ZFP82: variants seen among roughly 807,000 people sequenced by gnomAD.
ZFP82 encodes ZFP82 zinc finger protein.
ZFP82 carries 30 observed loss-of-function variants against 54.0 expected under a neutral mutation model. That is an observed-to-expected ratio of 0.56 (90% CI 0.42 to 0.75). ZFP82 has a LOEUF of 0.75. ZFP82 is among the 30% of genes least tolerant of loss of function. ZFP82 has a pLI of 0.00. For synonymous variants in ZFP82, 194 were observed against 209.5 expected, an observed-to-expected ratio of 0.93 and a Z score of 0.64; for missense variants, 500 against 636.8, an observed-to-expected ratio of 0.79 and a Z score of 2.31.
intron 1 of ZFP82, among the ~76,000 whole-genome samples, chr19:36,417,888 G>C (rs1330276880): frequency 6.6e-6 from 1 of 152,176 alleles, no homozygotes; most frequent in East Asian, 1.9e-4. Flanking sequence ...CTGGGCGGGA[G>C]CGGGGGCTCG....
chr19:36,408,704 G>A (rs911710029), intron 2 of ZFP82, among the ~76,000 whole-genome samples: 1 of 151,992 alleles, frequency 6.6e-6, no homozygotes, highest in African/African-American at 2.4e-5. Flanking sequence ...TGTAATCCTA[G>A]CTACTCAGGA....
Position 36,393,147 on chromosome 19 carries a change from T to C in ZFP82, c.1193A>G (p.Glu398Gly). The change falls in exon 5 of 5, where the codon GAA (glutamate) becomes GGA (glycine). Residue 398 changes from glutamate to glycine, a missense_variant. Physicochemically the swap from Glu to Gly is moderately conservative, Grantham distance 98. Coordinates refer to ENST00000392161, the MANE Select transcript of ZFP82 (RefSeq NM_133466.4). ...HTGEKPYECKECWKAFSRYSQ... is the reference protein window; with the variant it reads ...HTGEKPYECKGCWKAFSRYSQ... ...GTAGCGACTAAAGGCTTTCCAGCATTCCTTACATTCGTAAGGTTTTTCACC... is the reference window on the plus strand; with the variant it reads ...GTAGCGACTAAAGGCTTTCCAGCATCCCTTACATTCGTAAGGTTTTTCACC... 1 of 1,614,024 alleles carries C rather than the reference T, an allele frequency of 6.2e-7. No individual in the cohort carries two copies. Among genetic ancestry groups the C allele is most frequent in the Non-Finnish European group, 8.5e-7 (1 of 1,179,954 alleles).
At chr19:36,396,263 T>C (rs1250474717) in intron 4 of ZFP82, among the ~76,000 whole-genome samples, 1 of 152,060 alleles carries the variant, frequency 6.6e-6, no homozygotes, top group Non-Finnish European at 1.5e-5. Context: ...ACACCTGTAA[T>C]CCCAGCACTT....
At chr19:36,399,936 T>C (rs1038281271) in intron 4 of ZFP82, among the ~76,000 whole-genome samples, 2 of 152,216 alleles carry the variant, frequency 1.3e-5, no homozygotes, top group Non-Finnish European at 2.9e-5. Context: ...GTGTGTGATT[T>C]AGAGGAAAAA....
chr19:36,414,015 C>T (rs2032624527), intron 1 of ZFP82, among the ~76,000 whole-genome samples: 1 of 151,728 alleles, frequency 6.6e-6, no homozygotes, highest in African/African-American at 2.4e-5. Context: ...AATCGTCTGC[C>T]TCAGCCTCCC....
intron 1 of ZFP82, among the ~76,000 whole-genome samples, chr19:36,410,461 GTATA>G (rs1362928636): frequency 6.6e-6 from 1 of 151,650 alleles, no homozygotes; most frequent in South Asian, 2.1e-4. Flanking sequence ...ATATGTGTGT[GTATA>G]TATATATATT....
chr19:36,401,536 C>CA (rs1247656888), intron 4 of ZFP82, among the ~76,000 whole-genome samples: 1 of 152,250 alleles, frequency 6.6e-6, no homozygotes, highest in Non-Finnish European at 1.5e-5. Flanking sequence ...CCTTCATACA[C>CA]ATCATGAGCC....
chr19:36,414,917 G>A (rs2032644263), intron 1 of ZFP82, among the ~76,000 whole-genome samples: 1 of 151,722 alleles, frequency 6.6e-6, no homozygotes, highest in Non-Finnish European at 1.5e-5. Flanking sequence ...CACCTTCCGG[G>A]TTCAAGTGGT....
rs2032464388 is a variant in ZFP82, at chr19:36,405,458, C to G, written c.229+122G>C. 19 of 620,978 alleles carry G rather than the reference C, an allele frequency of 3.1e-5. No homozygotes were observed. In the Admixed American group the frequency reaches 3.2e-4, roughly 10 times the overall value. 38.5% of individuals were successfully genotyped at this position (620,978 alleles called of 1,614,324 possible). A position where few individuals can be genotyped will look rare whatever the true frequency, so the allele number is the denominator to read the frequency against. The stretch of plus-strand genomic sequence containing the variant: ...GACCTTTCCTCCTTGGGCCACAGAC[C>G]TTTCCTCCTTGGGCCACAGACCTTT... On this transcript the variant is annotated intron_variant, in intron 4 of 4. Transcript: ENST00000392161.
At chr19:36,386,183 C>A (rs973422709), downstream of ZFP82, among the ~76,000 whole-genome samples, 1 of 152,250 alleles carries the variant, frequency 6.6e-6, no homozygotes, top group African/African-American at 2.4e-5. Context: ...CATGACTCTG[C>A]TTCCCACATG....
intron 4 of ZFP82, among the ~76,000 whole-genome samples, chr19:36,404,257 G>A (rs1186412491): frequency 1.3e-5 from 2 of 152,158 alleles, no homozygotes; most frequent in African/African-American, 2.4e-5. Flanking sequence ...TCCTAGTCAT[G>A]GCACATGGCA....
chr19:36,393,018 T>C lies in ZFP82; in HGVS notation c.1322A>G (p.Gln441Arg). Residue 441 changes from glutamine (Q) to arginine (R), a missense_variant, in exon 5 of 5, where the codon CAG becomes CGG. Physicochemically the swap from Gln to Arg is conservative, Grantham distance 43 (BLOSUM62 1). Coordinates refer to ENST00000392161, the MANE Select transcript of ZFP82 (RefSeq NM_133466.4). Reference sequence around the variant, plus strand: ...AGGTTTCTCACCAATATGAATACTCTGATGCTGTGTGAGTTGTGAAAGTAG... The same window carrying C: ...AGGTTTCTCACCAATATGAATACTCCGATGCTGTGTGAGTTGTGAAAGTAG... ...FRLLSQLTQHQSIHIGEKPYK... is the reference protein window; with the variant it reads ...FRLLSQLTQHRSIHIGEKPYK... 1 of 1,614,220 alleles carries C rather than the reference T, an allele frequency of 6.2e-7. No homozygotes were observed. The highest frequency in any genetic ancestry group is 8.5e-7 in the Non-Finnish European group (1 of 1,180,032).
At chr19:36,398,262 G>T (rs1467154269) in intron 4 of ZFP82, among the ~76,000 whole-genome samples, 1 of 152,172 alleles carries the variant, frequency 6.6e-6, no homozygotes, top group East Asian at 1.9e-4. Flanking sequence ...TTTTAGGCTG[G>T]GCGCAGTGGC....
chr19:36,395,055 T>C (rs2032271122), intron 4 of ZFP82: 1 of 152,222 alleles, frequency 6.6e-6, no homozygotes, highest in African/African-American at 2.4e-5. Context: ...ACTACAGTGA[T>C]TAAATATTCT....
At chr19:36,400,358 A>C (rs1326348719) in intron 4 of ZFP82, among the ~76,000 whole-genome samples, 2 of 152,236 alleles carry the variant, frequency 1.3e-5, no homozygotes, top group Non-Finnish European at 2.9e-5. Context: ...ATTTGGTTCC[A>C]GGGAAGTCCT....
intron 4 of ZFP82, among the ~76,000 whole-genome samples, chr19:36,400,006 A>G (rs1204331550): frequency 6.6e-6 from 1 of 152,242 alleles, no homozygotes; most frequent in Non-Finnish European, 1.5e-5. Context: ...ACTGGCAAAC[A>G]GACATACATT....
At chr19:36,396,594 T>C (rs1366203024) in intron 4 of ZFP82, among the ~76,000 whole-genome samples, 6 of 151,988 alleles carry the variant, frequency 3.9e-5, no homozygotes, top group African/African-American at 1.5e-4. Flanking sequence ...AGGCGGAGCT[T>C]GCAGTGAGCC....
chr19:36,398,635 A>G (rs1388224407), intron 4 of ZFP82, among the ~76,000 whole-genome samples: 1 of 152,100 alleles, frequency 6.6e-6, no homozygotes, highest in Non-Finnish European at 1.5e-5. Flanking sequence ...AAATCACACA[A>G]TCAATTCCAT....
intron 3 of ZFP82, among the ~76,000 whole-genome samples, chr19:36,406,964 A>G (rs1295173198): frequency 6.6e-6 from 1 of 151,430 alleles, no homozygotes; most frequent in Non-Finnish European, 1.5e-5. Flanking sequence ...CATTAAAAAT[A>G]CTCTCTTGTA....
Sources: allele counts gnomAD v4.1 joint callset (sites outside exome capture counted in the v4.1 genomes callset), GRCh38; gene constraint gnomAD v4.1.1; transcripts MANE v1.5; gene names NCBI Gene and HGNC (gene_info 2026-07-23, HGNC 2026-07-21).